SERF2: variants seen among roughly 807,000 people sequenced by gnomAD.
SERF2 encodes the protein gastric cancer-related protein VRG107.
Under a neutral mutation model 10.7 loss-of-function variants are expected in SERF2, and 4 were observed. The ratio of observed to expected loss-of-function variants is 0.37; its 90% CI spans 0.18 to 0.86. The LOEUF (loss-of-function observed/expected upper bound fraction) is 0.86, where lower values mean the gene tolerates loss of function less well. SERF2 is among the 40% of genes least tolerant of loss of function. The pLI is 0.43. For missense variants in SERF2, 47 were observed against 79.1 expected (o/e 0.59, Z 1.54); for synonymous variants, 26 against 26.0 (o/e 1.00, Z 0.01).
rs1274979494 is a variant in SERF2, at chr15:43,795,803, C to G, written c.*2030C>G. On this transcript the variant is annotated 3_prime_UTR_variant, in exon 3 of 3. Coordinates refer to ENST00000249786, the MANE Select transcript of SERF2 (RefSeq NM_001018108.4). ...GTGAGGGTGTTAATCTAGGAAACTTCCCCCGTGAAAAGATTGGTCTAGTAT... is the reference window on the plus strand; with the variant it reads ...GTGAGGGTGTTAATCTAGGAAACTTGCCCCGTGAAAAGATTGGTCTAGTAT... 1.3e-6 allele frequency: 2 copies of G among 1,534,648 alleles called. No individual in the cohort carries two copies. The highest frequency in any genetic ancestry group is 1.8e-6 in the Non-Finnish European group (2 of 1,123,536).
exon 1 of SERF2, chr15:43,777,171 TC>T: frequency 1.6e-6 from 1 of 636,980 alleles, no homozygotes; most frequent in South Asian, 1.5e-5. Context: ...GGAAGAGCTA[TC>T]CCCAGTTCTC....
At chr15:43,777,776 G>A (rs530496879) in intron 1 of SERF2, among the ~76,000 whole-genome samples, 2 of 152,132 alleles carry the variant, frequency 1.3e-5, no homozygotes, top group East Asian at 3.9e-4. Context: ...ACCAACCTCT[G>A]GCCAGCCCTT....
At chr15:43,782,969 T>G in intron 1 of SERF2, among the ~76,000 whole-genome samples, 1 of 147,554 alleles carries the variant, frequency 6.8e-6, no homozygotes, top group African/African-American at 2.5e-5. Context: ...CTCAGCCTCC[T>G]GAGTAGCTGG....
intron 1 of SERF2, 83 bp from the exon 2 acceptor site, chr15:43,792,892 C>T (rs772103673): frequency 1.2e-5 from 12 of 1,004,630 alleles, no homozygotes; most frequent in Non-Finnish European, 1.8e-5. Flanking sequence ...TTGGATCCTG[C>T]TGCTGGCCGC....
rs746188396 is a variant in SERF2, at chr15:43,792,376, C to T, written c.-1C>T. The T allele has an allele frequency of 2.5e-6, 4 of 1,613,416 alleles. No individual in the cohort carries two copies. Among genetic ancestry groups the T allele is most frequent in the South Asian group, 2.2e-5 (2 of 91,070 alleles). On this transcript the variant is annotated 5_prime_UTR_variant, in exon 1 of 3. Coordinates refer to ENST00000249786, the MANE Select transcript of SERF2 (RefSeq NM_001018108.4). ...GGCAGGTTGGAGCCGCTGCCGTCGC[C>T]ATGACCCGTGAGCACCGAGCCCCCT...
At chr15:43,787,839 T>C (rs569396155), upstream of SERF2, among the ~76,000 whole-genome samples, 1 of 151,016 alleles carries the variant, frequency 6.6e-6, no homozygotes, top group African/African-American at 2.4e-5. Flanking sequence ...GCTGGGACTA[T>C]AGGCACACAC....
intron 1 of SERF2, among the ~76,000 whole-genome samples, chr15:43,781,977 C>T (rs1463149479): frequency 6.6e-6 from 1 of 151,964 alleles, no homozygotes; most frequent in African/African-American, 2.4e-5. Context: ...CAACCTCTGC[C>T]TCCCGGGTTC....
chr15:43,783,927 ATTTTTTTTTTTTTTTTTT>A (rs71111825), intron 1 of SERF2, among the ~76,000 whole-genome samples: 1 of 48,140 alleles, frequency 2.1e-5, no homozygotes, highest in South Asian at 1.3e-3. Context: ...ACGCCCAGCT[ATTTTTTTTTTTTTTTTTT>A]TTTTTTTTTT....
rs778540129 is a variant in SERF2, at chr15:43,793,965, G to C, written c.*192G>C. On this transcript the variant is annotated 3_prime_UTR_variant, in exon 3 of 3. Transcript: ENST00000249786. ...GCCTCTCTCCCCCTGGGCCACTCCC[G>C]GGGGTGAGGGGGTTACCCCTTCCCA... The C allele has an allele frequency of 1.3e-5, 20 of 1,536,396 alleles. No individual in the cohort carries two copies. Among genetic ancestry groups the C allele is most frequent in the South Asian group, 9.5e-5 (8 of 83,854 alleles).
intron 1 of SERF2, chr15:43,792,731 C>A: frequency 3.4e-6 from 3 of 876,092 alleles, no homozygotes; most frequent in Non-Finnish European, 5.0e-6. Flanking sequence ...GGCCCCACGC[C>A]GCCCCAAAAC....
At chr15:43,793,408 G>A (rs1001688292) in intron 2 of SERF2, 2 of 666,660 alleles carry the variant, frequency 3.0e-6, no homozygotes, top group Non-Finnish European at 5.0e-6. Flanking sequence ...CTTGCTGTTC[G>A]GTTCTCCTCC....
At chr15:43,793,209 C>T (rs1457672846) in intron 2 of SERF2, 126 bp downstream of exon 2, 4 of 632,916 alleles carry the variant, frequency 6.3e-6, no homozygotes, top group East Asian at 2.8e-5. Context: ...TGCATTGCTT[C>T]CTCTAGGGTT....
chr15:43,790,712 T>C (rs1487317298), upstream of SERF2, among the ~76,000 whole-genome samples: 1 of 152,074 alleles, frequency 6.6e-6, no homozygotes, highest in African/African-American at 2.4e-5. Context: ...GAGGTTGCAG[T>C]GAGCCGAGAT....
Position 43,795,277 on chromosome 15 carries a change from T to G in SERF2, c.*1504T>G. ...CCTTAGCTTTTAGACCTGTTCTACC[T>G]CCTCACCAAATATAATGGCAGACCC... On this transcript the variant is annotated 3_prime_UTR_variant, in exon 3 of 3. Coordinates refer to ENST00000249786, the MANE Select transcript of SERF2 (RefSeq NM_001018108.4). 6.3e-7 allele frequency: 1 copy of G among 1,592,096 alleles called. No homozygotes were observed. Among genetic ancestry groups the G allele is most frequent in the Non-Finnish European group, 8.6e-7 (1 of 1,160,746 alleles).
In SERF2 at chr15:43,793,195, A is replaced by C. The variant is rs1764306313; in HGVS notation, c.116+112A>C. The C allele has an allele frequency of 5.9e-6, 4 of 676,036 alleles. No individual in the cohort carries two copies. In the East Asian group the frequency reaches 8.3e-5, roughly 14 times the overall value. 41.9% of individuals were successfully genotyped at this position (676,036 alleles called of 1,614,324 possible). ...TGAATGTGGACTAGTCGTGAGGAGCAGAGTGCATTGCTTCCTCTAGGGTTT... is the reference window on the plus strand; with the variant it reads ...TGAATGTGGACTAGTCGTGAGGAGCCGAGTGCATTGCTTCCTCTAGGGTTT... On this transcript the variant is annotated intron_variant, in intron 2 of 2. Transcript: ENST00000249786.
At chr15:43,780,077 T>C (rs189635211) in intron 1 of SERF2, among the ~76,000 whole-genome samples, 2 of 152,338 alleles carry the variant, frequency 1.3e-5, no homozygotes, top group Middle Eastern at 3.4e-3. Flanking sequence ...GATAATTATA[T>C]GTGAATATAA....
intron 1 of SERF2, 134 bp downstream of exon 1, chr15:43,792,517 AC>A: frequency 6.5e-7 from 1 of 1,543,982 alleles, no homozygotes; most frequent in Non-Finnish European, 8.7e-7. Flanking sequence ...GGCCACCCTC[AC>A]ACTCGGTGCC....
In SERF2 at chr15:43,793,695, C is replaced by G. The variant is rs780903077; in HGVS notation, c.117-15C>G. On this transcript the variant is annotated splice_polypyrimidine_tract_variant and intron_variant, in intron 2 of 2. Transcript: ENST00000249786. ...CCTCTGGTACCTCCCAGTGCCCCAT[C>G]ATCTCTACCCCCAGGGACTCGGAGA... 1.2e-6 allele frequency: 2 copies of G among 1,614,196 alleles called. No individual in the cohort carries two copies. Among genetic ancestry groups the G allele is most frequent in the Non-Finnish European group, 1.7e-6 (2 of 1,180,030 alleles).
upstream of SERF2, among the ~76,000 whole-genome samples, chr15:43,791,209 G>C (rs2087056645): frequency 6.6e-6 from 1 of 150,974 alleles, no homozygotes; most frequent in African/African-American, 2.4e-5. Flanking sequence ...GAGTAGCTGG[G>C]ACTACAGGCG....
Sources: gnomAD v4.1 joint callset for allele counts (sites outside exome capture counted in the v4.1 genomes callset) on GRCh38, gnomAD v4.1.1 for gene constraint, MANE v1.5 for transcripts, NCBI Gene and HGNC (gene_info 2026-07-23, HGNC 2026-07-21) for gene names.